The following WWOX variants were observed in gnomAD, a reference collection of about 807,000 sequenced individuals.
The protein encoded by WWOX is WW domain containing oxidoreductase.
Under a neutral mutation model 46.2 loss-of-function variants are expected in WWOX, and 69 were observed. That is an observed-to-expected ratio of 1.49 (90% CI 1.23 to 1.82). WWOX has a LOEUF of 1.82. Among genes scored for constraint, WWOX ranks in the 40% most tolerant of loss-of-function variants. The pLI is 0.00. For synonymous variants in WWOX, 359 were observed against 202.6 expected, an observed-to-expected ratio of 1.77 and a Z score of -6.56; for missense variants, 919 against 542.6, an observed-to-expected ratio of 1.69 and a Z score of -6.89.
chr16:79,186,062 CA>C (rs1167885888), intron 8 of WWOX, among the ~76,000 whole-genome samples: 5 of 151,886 alleles, frequency 3.3e-5, no homozygotes, highest in African/African-American at 1.2e-4. Context: ...CCTGTATTGT[CA>C]AAAAATGATG....
intron 8 of WWOX, among the ~76,000 whole-genome samples, chr16:79,049,431 C>T (rs1192747302): frequency 6.6e-6 from 1 of 152,146 alleles, no homozygotes; most frequent in East Asian, 1.9e-4. Context: ...CCTTGAGGGG[C>T]ATCGATATTC....
chr16:78,352,109 C>T (rs1159966916), intron 5 of WWOX, among the ~76,000 whole-genome samples: 1 of 152,202 alleles, frequency 6.6e-6, no homozygotes, highest in Non-Finnish European at 1.5e-5. Context: ...TCTCAAGGAA[C>T]AGCTGCACCT....
intron 8 of WWOX, among the ~76,000 whole-genome samples, chr16:78,957,521 G>C (rs1408117426): frequency 2.0e-5 from 3 of 152,178 alleles, no homozygotes; most frequent in Non-Finnish European, 4.4e-5. Context: ...TGTGGGAACT[G>C]AGAATGTCTA....
At chr16:78,239,942 A>G (rs745409910) in intron 5 of WWOX, among the ~76,000 whole-genome samples, 2 of 152,128 alleles carry the variant, frequency 1.3e-5, no homozygotes, top group Non-Finnish European at 2.9e-5. Flanking sequence ...TGACGATGCC[A>G]TGCTCCGGTT....
chr16:78,574,741 G>GA (rs1597290344), intron 8 of WWOX, among the ~76,000 whole-genome samples: 1 of 151,280 alleles, frequency 6.6e-6, no homozygotes, highest in African/African-American at 2.4e-5. Flanking sequence ...TGTGGAATCT[G>GA]AAAAAACCAA....
chr16:78,687,598 A>G (rs1030175954), intron 8 of WWOX, among the ~76,000 whole-genome samples: 6 of 125,346 alleles, frequency 4.8e-5, no homozygotes, highest in East Asian at 2.3e-4. Flanking sequence ...AGAGACCCCA[A>G]TAAACATATT....
intron 5 of WWOX, among the ~76,000 whole-genome samples, chr16:78,253,643 G>A (rs1176254994): frequency 6.6e-6 from 1 of 152,150 alleles, no homozygotes; most frequent in Admixed American, 6.5e-5. Context: ...TGATTCAAAT[G>A]GGTGTTCCAA....
chr16:78,545,019 G>C (rs1372644341), intron 8 of WWOX, among the ~76,000 whole-genome samples: 1 of 152,162 alleles, frequency 6.6e-6, no homozygotes, highest in Non-Finnish European at 1.5e-5. Context: ...TTACAAAAGA[G>C]AGAGAGAGAA....
chr16:78,877,533 G>C (rs897825700), intron 8 of WWOX, among the ~76,000 whole-genome samples: 4 of 152,194 alleles, frequency 2.6e-5, no homozygotes, highest in African/African-American at 7.2e-5. Context: ...CTGCCTCTCT[G>C]AGCCTTGCAC....
chr16:78,328,211 C>T (rs902356016), intron 5 of WWOX, among the ~76,000 whole-genome samples: 1 of 151,520 alleles, frequency 6.6e-6, no homozygotes, highest in Admixed American at 6.6e-5. Flanking sequence ...TTACCTGTAA[C>T]TCAAATTCCC....
chr16:78,763,976 T>C (rs2049862442), intron 8 of WWOX, among the ~76,000 whole-genome samples: 1 of 152,140 alleles, frequency 6.6e-6, no homozygotes, highest in Admixed American at 6.5e-5. Flanking sequence ...CCCACATCTA[T>C]TGTGGGCTGG....
chr16:79,081,281 A>C (rs1041446682), intron 8 of WWOX, among the ~76,000 whole-genome samples: 1 of 152,160 alleles, frequency 6.6e-6, no homozygotes, highest in African/African-American at 2.4e-5. Flanking sequence ...CTCCTGTCTC[A>C]GCCTCCTAGG....
At chr16:78,920,375 G>C (rs1280011332) in intron 8 of WWOX, among the ~76,000 whole-genome samples, 1 of 152,176 alleles carries the variant, frequency 6.6e-6, no homozygotes, top group Non-Finnish European at 1.5e-5. Flanking sequence ...GTGCAGATGT[G>C]ATGCTTTCCT....
intron 8 of WWOX, among the ~76,000 whole-genome samples, chr16:78,927,223 A>G (rs948898761): frequency 3.9e-5 from 6 of 152,206 alleles, no homozygotes; most frequent in Non-Finnish European, 7.3e-5. Flanking sequence ...AGGATTTTCA[A>G]TGCCTGGCTG....
intron 8 of WWOX, chr16:78,496,249 C>T (rs2084915832): frequency 6.6e-6 from 1 of 152,160 alleles, no homozygotes; most frequent in African/African-American, 2.4e-5. Flanking sequence ...GTTCCCTCCT[C>T]CCGTTCATTT....
chr16:78,835,459 T>A (rs575384058), intron 8 of WWOX, among the ~76,000 whole-genome samples: 2 of 152,302 alleles, frequency 1.3e-5, no homozygotes, highest in South Asian at 4.1e-4. Flanking sequence ...CATGAGCATG[T>A]TAGTAGAGCA....
chr16:78,385,904 C>A (rs1484948506), intron 5 of WWOX, among the ~76,000 whole-genome samples: 1 of 152,144 alleles, frequency 6.6e-6, no homozygotes, highest in African/African-American at 2.4e-5. Flanking sequence ...CACTCCGAAG[C>A]GCACCCAGAT....
intron 8 of WWOX, among the ~76,000 whole-genome samples, chr16:78,692,825 T>A (rs571627383): frequency 6.6e-6 from 1 of 152,340 alleles, no homozygotes; most frequent in Non-Finnish European, 1.5e-5. Context: ...AACCAAGGCA[T>A]ATTTTCTTAA....
intron 8 of WWOX, among the ~76,000 whole-genome samples, chr16:79,147,696 T>C (rs1360459400): frequency 5.9e-5 from 9 of 152,222 alleles, no homozygotes; most frequent in African/African-American, 2.2e-4. Context: ...ATTTTACATT[T>C]CCACCAGCAT....
Sources: gnomAD v4.1 joint callset for allele counts (sites outside exome capture counted in the v4.1 genomes callset) on GRCh38, gnomAD v4.1.1 for gene constraint, MANE v1.5 for transcripts, NCBI Gene and HGNC (gene_info 2026-07-23, HGNC 2026-07-21) for gene names.